The following JPH3 variants were observed in gnomAD, a reference collection of about 807,000 sequenced individuals.
JPH3 encodes the protein junctophilin-3.
JPH3 carries 11 observed loss-of-function variants against 59.6 expected under a neutral mutation model. The observed-to-expected ratio is 0.18, with a 90% CI of 0.12 to 0.31. The LOEUF (loss-of-function observed/expected upper bound fraction) is 0.31, where lower values mean the gene tolerates loss of function less well. Among genes scored for constraint, JPH3 ranks in the 10% least tolerant of loss-of-function variants. The pLI is 1.00. For synonymous variants in JPH3, 673 were observed against 483.6 expected (o/e 1.39, Z -5.14); for missense variants, 1,202 against 1,105.7 (o/e 1.09, Z -1.24).
chr16:87,681,346 T>G (rs1192481171), intron 2 of JPH3, among the ~76,000 whole-genome samples: 214 of 91,856 alleles, frequency 2.3e-3, no homozygotes, highest in Middle Eastern at 8.3e-3. Flanking sequence ...TCGTGACAGT[T>G]CCGGGAGGTC....
chr16:87,626,764 T>A (rs1456723658), intron 1 of JPH3, among the ~76,000 whole-genome samples: 1 of 152,234 alleles, frequency 6.6e-6, no homozygotes, highest in Non-Finnish European at 1.5e-5. Flanking sequence ...GGGTGCTGGC[T>A]GGGACCAAGG....
intron 4 of JPH3, 80 bp downstream of exon 4, chr16:87,690,606 C>T (rs2033544058): frequency 1.1e-5 from 15 of 1,354,752 alleles, no homozygotes; most frequent in Non-Finnish European, 1.4e-5. Context: ...TGAGGGTTTC[C>T]AGCAAGGTCA....
chr16:87,641,877 T>A (rs2031965508), intron 1 of JPH3, among the ~76,000 whole-genome samples: 1 of 152,198 alleles, frequency 6.6e-6, no homozygotes, highest in African/African-American at 2.4e-5. Flanking sequence ...GGAAGATACA[T>A]TCTGGAACAT....
chr16:87,622,639 C>T lies in JPH3; in HGVS notation c.382+19111C>T, dbSNP rs189709977. Among the ~76,000 whole-genome samples, 629 of 152,166 alleles carry T rather than the reference C, an allele frequency of 4.1e-3. 7 individuals are homozygous for T. The highest frequency in any genetic ancestry group is 5.2e-3 in the Non-Finnish European group (355 of 67,984). Reference sequence around the variant, plus strand: ...GCCAGAGGCGGGCTCAGAAGAAGTTCCATGAGGAACTGAGGGCTGGGACCT... The same window carrying T: ...GCCAGAGGCGGGCTCAGAAGAAGTTTCATGAGGAACTGAGGGCTGGGACCT... On this transcript the variant is annotated intron_variant, in intron 1 of 4. Transcript: ENST00000284262.
chr16:87,626,980 A>AT (rs1411872205), intron 1 of JPH3, among the ~76,000 whole-genome samples: 1 of 152,248 alleles, frequency 6.6e-6, no homozygotes, highest in African/African-American at 2.4e-5. Flanking sequence ...ATCTCTATTT[A>AT]TTAAAAAAAA....
At chr16:87,603,757 G>C (rs2030363260) in intron 1 of JPH3, among the ~76,000 whole-genome samples, 1 of 152,258 alleles carries the variant, frequency 6.6e-6, no homozygotes, top group African/African-American at 2.4e-5. Context: ...GGGCTTTCCA[G>C]GGGCAGAGCC....
intron 2 of JPH3, among the ~76,000 whole-genome samples, chr16:87,648,527 G>A (rs937530429): frequency 2.0e-5 from 3 of 152,228 alleles, no homozygotes; most frequent in Non-Finnish European, 2.9e-5. Context: ...GGTGTCCTCC[G>A]CGGAGTGCCG....
intron 1 of JPH3, chr16:87,604,514 A>C: frequency 4.6e-6 from 6 of 1,295,556 alleles, no homozygotes; most frequent in Non-Finnish European, 6.0e-6. Context: ...CCTCAGAGGC[A>C]CTGGGTCCTC....
At chr16:87,639,858 C>A (rs2150841770) in intron 1 of JPH3, among the ~76,000 whole-genome samples, 1 of 152,344 alleles carries the variant, frequency 6.6e-6, no homozygotes, top group Admixed American at 6.5e-5. Context: ...CTTTTTAAGG[C>A]TGAGGAATAT....
intron 2 of JPH3, among the ~76,000 whole-genome samples, chr16:87,656,491 T>G (rs760896638): frequency 2.6e-5 from 4 of 152,196 alleles, no homozygotes; most frequent in Non-Finnish European, 5.9e-5. Context: ...GGGATCAGAT[T>G]ACGGAGTTCA....
chr16:87,658,266 G>A (rs8058708), intron 2 of JPH3, among the ~76,000 whole-genome samples: 3,316 of 152,256 alleles, frequency 0.022, 128 homozygotes, highest in African/African-American at 0.076. Context: ...CAGCTCAGGC[G>A]TCCCGGCAGG....
At chr16:87,646,791 T>A (rs2032168376) in intron 2 of JPH3, among the ~76,000 whole-genome samples, 1 of 152,098 alleles carries the variant, frequency 6.6e-6, no homozygotes, top group African/African-American at 2.4e-5. Flanking sequence ...GTTCATGAGT[T>A]CATTGGTTCA....
chr16:87,674,800 G>A (rs1597282227), intron 2 of JPH3, among the ~76,000 whole-genome samples: 2 of 151,868 alleles, frequency 1.3e-5, no homozygotes, highest in South Asian at 2.1e-4. Flanking sequence ...TTGCTCTGTC[G>A]CCCAGGCTGG....
chr16:87,659,399 G>A (rs8044007), intron 2 of JPH3, among the ~76,000 whole-genome samples: 16,081 of 61,506 alleles, frequency 0.26, 2,378 homozygotes, highest in African/African-American at 0.31. Context: ...AAAAAAAAAA[G>A]AAAACTACAC....
intron 1 of JPH3, chr16:87,604,435 C>G (rs1185711797): frequency 2.2e-6 from 3 of 1,384,624 alleles, no homozygotes; most frequent in Non-Finnish European, 1.9e-6. Flanking sequence ...TGGAGCCGGT[C>G]CTTTCCTGGA....
intron 1 of JPH3, among the ~76,000 whole-genome samples, chr16:87,618,618 C>T (rs968394715): frequency 6.6e-6 from 1 of 152,226 alleles, no homozygotes; most frequent in African/African-American, 2.4e-5. Context: ...CCGCCAGCAG[C>T]ATGGGGGCTC....
intron 2 of JPH3, among the ~76,000 whole-genome samples, chr16:87,648,891 C>A (rs143067261): frequency 6.6e-6 from 1 of 152,248 alleles, no homozygotes; most frequent in African/African-American, 2.4e-5. Context: ...CACCTGCATG[C>A]TGACCTGGTC....
At chr16:87,643,197 C>T (rs915355296) in intron 1 of JPH3, among the ~76,000 whole-genome samples, 1 of 152,208 alleles carries the variant, frequency 6.6e-6, no homozygotes, top group Non-Finnish European at 1.5e-5. Context: ...AGCGTTCATC[C>T]ACATTGCAGC....
chr16:87,607,709 T>G (rs1442208004), intron 1 of JPH3, among the ~76,000 whole-genome samples: 1 of 152,258 alleles, frequency 6.6e-6, no homozygotes, highest in Non-Finnish European at 1.5e-5. Context: ...ATGGGGCGTA[T>G]GCTTTGTGCT....
Sources: gnomAD v4.1 joint callset for allele counts (sites outside exome capture counted in the v4.1 genomes callset) on GRCh38, gnomAD v4.1.1 for gene constraint, MANE v1.5 for transcripts, NCBI Gene and HGNC (gene_info 2026-07-23, HGNC 2026-07-21) for gene names.